The following TFAP2E variants were observed in gnomAD, a reference collection of about 807,000 sequenced individuals.
The protein encoded by TFAP2E is transcription factor AP-2 epsilon.
Under a neutral mutation model 37.9 loss-of-function variants are expected in TFAP2E, and 30 were observed. That is an observed-to-expected ratio of 0.79 (90% CI 0.59 to 1.07). TFAP2E has a LOEUF of 1.07. Among genes scored for constraint, TFAP2E ranks in the 50% least tolerant of loss-of-function variants. TFAP2E has a pLI of 0.00. For synonymous variants in TFAP2E, 318 were observed against 295.8 expected, an observed-to-expected ratio of 1.08 and a Z score of -0.77; for missense variants, 567 against 637.9, an observed-to-expected ratio of 0.89 and a Z score of 1.20.
chr1:35,578,017 G>A lies in TFAP2E; in HGVS notation c.562+3017G>A, dbSNP rs180724930. 4.1e-4 allele frequency among the ~76,000 whole-genome samples: 63 copies of A among 152,310 alleles called. 1 individual carries two copies. The highest frequency in any genetic ancestry group is 1.5e-3 in the African/African-American group (63 of 41,568). ...AGGAATATTTTCCAGCAGTGAGCAGGGGCTGTATGGGACGCGGGAGGAGCT... is the reference window on the plus strand; with the variant it reads ...AGGAATATTTTCCAGCAGTGAGCAGAGGCTGTATGGGACGCGGGAGGAGCT... On this transcript the variant is annotated intron_variant, in intron 3 of 6. Coordinates refer to ENST00000373235, the MANE Select transcript of TFAP2E (RefSeq NM_178548.4).
chr1:35,577,074 T>C lies in TFAP2E; in HGVS notation c.562+2074T>C, dbSNP rs1649200171. On this transcript the variant is annotated intron_variant, in intron 3 of 6. Transcript: ENST00000373235. The surrounding 1 kb of genome is among the most constrained non-coding windows in gnomAD (Gnocchi z 6.3). ...CGGGTCTGTGGCCCAGTGGAGCGAG[T>C]GGAGCGCTGGCGACCTGAGCGGAGA... 6.6e-6 allele frequency among the ~76,000 whole-genome samples: 1 copy of C among 151,820 alleles called. No homozygotes were observed. The highest frequency in any genetic ancestry group is 2.4e-5 in the African/African-American group (1 of 41,306).
chr1:35,586,856 C>G (rs1649495400), intron 3 of TFAP2E, among the ~76,000 whole-genome samples: 1 of 152,200 alleles, frequency 6.6e-6, no homozygotes, highest in African/African-American at 2.4e-5. Flanking sequence ...TCAGCCCTGG[C>G]ACCATTCTTG....
In TFAP2E at chr1:35,590,190, C is replaced by T. The variant is rs979641142; in HGVS notation, c.904+142C>T. 6 of 787,702 alleles carry T rather than the reference C, an allele frequency of 7.6e-6. No individual in the cohort carries two copies. Among genetic ancestry groups the T allele is most frequent in the Non-Finnish European group, 1.3e-5 (6 of 468,654 alleles). The allele number at this position is 787,702 out of a possible 1,614,324, so 48.8% of individuals were successfully genotyped here. A position where few individuals can be genotyped will look rare whatever the true frequency, so the allele number is the denominator to read the frequency against. On this transcript the variant is annotated intron_variant, in intron 5 of 6. Transcript: ENST00000373235. The surrounding 1 kb of genome is among the most constrained non-coding windows in gnomAD (Gnocchi z 6.2). ...GTTGCAGTATCTGTGTGCGTATTCT[C>T]TGTCATGTATAAGGTGTGTTTGTGA...
In TFAP2E at chr1:35,573,600, C is replaced by A. The variant is rs1471935654; in HGVS notation, c.23C>A (p.Ala8Asp). 20 of 1,540,004 alleles carry A rather than the reference C, an allele frequency of 1.3e-5. No homozygotes were observed. Among genetic ancestry groups the A allele is most frequent in the Middle Eastern group, 4.6e-4 (2 of 4,330 alleles). ...CCCATGCTGGTGCACACCTACTCCG[C>A]CATGGTGAGTAGTCTCGGGCCCGGG... is the stretch of plus-strand genomic sequence containing the variant. Reference protein sequence around the residue: MLVHTYSAMERPDGLGAA... With the variant: MLVHTYSDMERPDGLGAA... The change falls in exon 1 of 7, where the codon GCC (alanine) becomes GAC (aspartate). Residue 8 changes from alanine to aspartate, a missense_variant. Coordinates refer to ENST00000373235, the MANE Select transcript of TFAP2E (RefSeq NM_178548.4). The surrounding 1 kb of genome is among the most constrained non-coding windows in gnomAD (Gnocchi z 5.9).
intron 6 of TFAP2E, among the ~76,000 whole-genome samples, chr1:35,592,878 T>C (rs1649728555): frequency 6.6e-6 from 1 of 152,188 alleles, no homozygotes; most frequent in African/African-American, 2.4e-5. Flanking sequence ...ATCCCATTCA[T>C]GACGGCTCCA....
At chr1:35,589,198 G>C (rs1022733127) in intron 4 of TFAP2E, among the ~76,000 whole-genome samples, 6 of 133,222 alleles carry the variant, frequency 4.5e-5, no homozygotes, top group African/African-American at 2.0e-4. Context: ...CTGTGTGTGT[G>C]TGTGTGTGTG....
In TFAP2E at chr1:35,574,242, G is replaced by A. The variant is rs750903595; in HGVS notation, c.343G>A (p.Gly115Ser). 1.5e-6 allele frequency: 2 copies of A among 1,292,616 alleles called. No individual in the cohort carries two copies. Among genetic ancestry groups the A allele is most frequent in the Non-Finnish European group, 2.0e-6 (2 of 1,015,358 alleles). The allele number at this position is 1,292,616 out of a possible 1,614,324, so 80.1% of individuals were successfully genotyped here. The stretch of plus-strand genomic sequence containing the variant: ...CGCCCGCGCCCACGAGGAGCCTCCC[G>A]GCCTGCTGGCACCGCCCGCCCGCGC... ...AAARAHEEPPGLLAPPARALG... is the reference protein window; with the variant it reads ...AAARAHEEPPSLLAPPARALG... Residue 115 changes from glycine (G) to serine (S), a missense_variant, in exon 2 of 7, where the codon GGC (glycine) becomes AGC (serine). Gly to Ser is a moderately conservative substitution (Grantham distance 56). This residue lies in a region of TFAP2E where 312 missense variants were observed against 317.4 expected (regional missense o/e 0.98). Coordinates refer to ENST00000373235, the MANE Select transcript of TFAP2E (RefSeq NM_178548.4).
At chr1:35,591,704 G>A (rs1418960700) in intron 6 of TFAP2E, among the ~76,000 whole-genome samples, 1 of 152,128 alleles carries the variant, frequency 6.6e-6, no homozygotes, top group East Asian at 1.9e-4. Context: ...TTTGTTTTTT[G>A]AGATGGAGTT....
At chr1:35,574,794 T>C in intron 2 of TFAP2E, 155 bp from the exon 3 acceptor site, 1 of 960,782 alleles carries the variant, frequency 1.0e-6, no homozygotes. Context: ...GCTCAGTGCC[T>C]GGACATAGCG....
At chr1:35,575,445 G>A (rs1649142274) in intron 3 of TFAP2E, among the ~76,000 whole-genome samples, 1 of 152,220 alleles carries the variant, frequency 6.6e-6, no homozygotes, top group African/African-American at 2.4e-5. Flanking sequence ...GCAGGGCCTT[G>A]GAGGCCTCTG....
chr1:35,576,984 G>T (rs1474806655), intron 3 of TFAP2E, among the ~76,000 whole-genome samples: 3 of 139,854 alleles, frequency 2.1e-5, no homozygotes, highest in Non-Finnish European at 4.5e-5. Context: ...GCGCCAGCGG[G>T]ACCCCAGCGC....
At chr1:35,586,942 T>C (rs1571105522) in intron 3 of TFAP2E, among the ~76,000 whole-genome samples, 1 of 152,170 alleles carries the variant, frequency 6.6e-6, no homozygotes, top group Non-Finnish European at 1.5e-5. Context: ...CAGTCTTGGG[T>C]TTGCTACCGG....
chr1:35,593,425 T>C (rs898312007), intron 6 of TFAP2E, among the ~76,000 whole-genome samples: 1 of 152,224 alleles, frequency 6.6e-6, no homozygotes, highest in Admixed American at 6.5e-5. Flanking sequence ...CACCCACTTC[T>C]GCCAACCCTG....
chr1:35,591,703 T>C (rs1649686110), intron 6 of TFAP2E, among the ~76,000 whole-genome samples: 1 of 152,230 alleles, frequency 6.6e-6, no homozygotes, highest in South Asian at 2.1e-4. Flanking sequence ...TTTTGTTTTT[T>C]GAGATGGAGT....
chr1:35,588,508 T>C lies in TFAP2E; in HGVS notation c.741T>C (p.Pro247=). The C allele has an allele frequency of 6.2e-7, 1 of 1,605,560 alleles. No homozygotes were observed. The highest frequency in any genetic ancestry group is 8.5e-7 in the Non-Finnish European group (1 of 1,176,722). ...TVGEVQRRLS[P]PECLNASLLG... ...GGGAGGTGCAGCGGCGACTCTCGCC[T>C]CCCGAGTGCCTCAACGCCTCCCTCC... The change falls in exon 4 of 7, where the codon CCT becomes CCC. Residue 247 remains proline (P), a synonymous_variant. Transcript: ENST00000373235. This position sits in a 1 kb window ranked among gnomAD's most constrained non-coding sequence, Gnocchi z 5.1.
chr1:35,576,712 G>C (rs996504261), intron 3 of TFAP2E, among the ~76,000 whole-genome samples: 1 of 152,194 alleles, frequency 6.6e-6, no homozygotes, highest in African/African-American at 2.4e-5. Context: ...GACTGGATGC[G>C]AGGCCCTCCC....
intron 4 of TFAP2E, among the ~76,000 whole-genome samples, chr1:35,589,583 C>A (rs920332675): frequency 1.3e-5 from 2 of 151,940 alleles, no homozygotes; most frequent in South Asian, 2.1e-4. Flanking sequence ...TATGTCACTG[C>A]GTGTCTCTAC....
intron 3 of TFAP2E, among the ~76,000 whole-genome samples, chr1:35,576,595 G>T (rs948699251): frequency 6.6e-6 from 1 of 152,174 alleles, no homozygotes; most frequent in Non-Finnish European, 1.5e-5. Flanking sequence ...CTAAGACCCT[G>T]CATTTTAGAA....
intron 4 of TFAP2E, among the ~76,000 whole-genome samples, chr1:35,589,459 G>A (rs905450587): frequency 1.2e-4 from 18 of 147,924 alleles, no homozygotes; most frequent in Admixed American, 1.1e-3. Context: ...CTGCATGTCT[G>A]TCTCTATTGG....
Sources: gnomAD v4.1 joint callset for allele counts (sites outside exome capture counted in the v4.1 genomes callset) on GRCh38, gnomAD v4.1.1 for gene constraint, gnomAD v4.1.1 regional missense constraint, Gnocchi (gnomAD v3.1) non-coding constraint, MANE v1.5 for transcripts, NCBI Gene and HGNC (gene_info 2026-07-23, HGNC 2026-07-21) for gene names.